The following GRM7 variants were observed in gnomAD, a reference collection of about 807,000 sequenced individuals.
GRM7 encodes metabotropic glutamate receptor 7.
GRM7 carries 35 observed loss-of-function variants against 84.5 expected under a neutral mutation model. The ratio of observed to expected loss-of-function variants is 0.41; its 90% CI spans 0.32 to 0.55. The LOEUF is 0.55. Ranked by LOEUF, GRM7 falls within the 20% of genes least tolerant of loss-of-function variation. GRM7 has a pLI of 0.19. For missense variants in GRM7, 1,003 were observed against 1,194.6 expected (o/e 0.84, Z 2.36); for synonymous variants, 487 against 455.1 (o/e 1.07, Z -0.89).
chr3:7,328,506 T>G (rs1701070915), intron 4 of GRM7, among the ~76,000 whole-genome samples: 1 of 152,188 alleles, frequency 6.6e-6, no homozygotes. Context: ...ACCCCTTCTC[T>G]ATACCTTACT....
chr3:7,239,392 T>C (rs145885870), intron 2 of GRM7, among the ~76,000 whole-genome samples: 1 of 152,286 alleles, frequency 6.6e-6, no homozygotes, highest in East Asian at 1.9e-4. Flanking sequence ...TATCAGTCAC[T>C]ATCCAGGAAG....
chr3:7,280,302 C>T (rs1182154598), intron 2 of GRM7, among the ~76,000 whole-genome samples: 2 of 152,214 alleles, frequency 1.3e-5, no homozygotes, highest in African/African-American at 4.8e-5. Flanking sequence ...TAAAATATTA[C>T]TTCTTGTCAT....
At chr3:6,951,597 A>C (rs1158718239) in intron 1 of GRM7, among the ~76,000 whole-genome samples, 2 of 152,158 alleles carry the variant, frequency 1.3e-5, no homozygotes, top group Non-Finnish European at 2.9e-5. Flanking sequence ...ATATTTCTAG[A>C]GATCTTTCTG....
chr3:6,962,515 A>G (rs1224913075), intron 1 of GRM7, among the ~76,000 whole-genome samples: 1 of 152,200 alleles, frequency 6.6e-6, no homozygotes, highest in East Asian at 1.9e-4. Context: ...AGGAACATGA[A>G]TATAATGAGA....
chr3:6,970,213 G>GACTTTCCCAA (rs1553602473), intron 1 of GRM7, among the ~76,000 whole-genome samples: 3 of 151,856 alleles, frequency 2.0e-5, no homozygotes, highest in East Asian at 1.9e-4. Context: ...ACTGCTCCAA[G>GACTTTCCCAA]ACTTTCCCTT....
chr3:7,062,014 G>C (rs1191575386), intron 1 of GRM7, among the ~76,000 whole-genome samples: 1 of 151,698 alleles, frequency 6.6e-6, no homozygotes, highest in Admixed American at 6.6e-5. Context: ...TGTTTCACCA[G>C]GAGAAAATCA....
intron 1 of GRM7, among the ~76,000 whole-genome samples, chr3:7,056,539 TTAAA>T (rs777063952): frequency 2.6e-5 from 4 of 152,004 alleles, no homozygotes; most frequent in Non-Finnish European, 4.4e-5. Context: ...ATCATCTTTG[TTAAA>T]TAAAGTTCCA....
At chr3:7,338,626 G>A (rs1421834342) in intron 4 of GRM7, among the ~76,000 whole-genome samples, 2 of 152,078 alleles carry the variant, frequency 1.3e-5, no homozygotes, top group South Asian at 2.1e-4. Context: ...TGACCACATG[G>A]GGGACATTCG....
chr3:7,250,984 G>A (rs2124938913), intron 2 of GRM7, among the ~76,000 whole-genome samples: 1 of 152,232 alleles, frequency 6.6e-6, no homozygotes, highest in African/African-American at 2.4e-5. Context: ...CTTAAGGAAA[G>A]GAAGGATGGA....
At chr3:7,064,497 T>C (rs1166654022) in intron 1 of GRM7, among the ~76,000 whole-genome samples, 3 of 102,208 alleles carry the variant, frequency 2.9e-5, no homozygotes, top group Non-Finnish European at 5.7e-5. Flanking sequence ...TATACATATA[T>C]ATATACACAT....
chr3:6,877,274 CCA>C (rs76074375), intron 1 of GRM7, among the ~76,000 whole-genome samples: 6,113 of 152,200 alleles, frequency 0.04, 171 homozygotes, highest in Non-Finnish European at 0.057. Flanking sequence ...CTAGCTGATT[CCA>C]CAGTGTCAAA....
chr3:6,985,819 A>G (rs1475632400), intron 1 of GRM7, among the ~76,000 whole-genome samples: 2 of 152,236 alleles, frequency 1.3e-5, no homozygotes, highest in Non-Finnish European at 2.9e-5. Flanking sequence ...GGGGTAAACT[A>G]TAGAGACAAA....
At chr3:7,139,956 A>G (rs1693894939) in intron 1 of GRM7, among the ~76,000 whole-genome samples, 1 of 152,042 alleles carries the variant, frequency 6.6e-6, no homozygotes, top group Admixed American at 6.6e-5. Flanking sequence ...AAGAATTCAC[A>G]CAAATCAAAA....
Position 7,055,028 on chromosome 3 carries a change from T to C in GRM7, c.520-91424T>C, listed in dbSNP as rs550578887. ...GTTGCTTAAGATGAGTGTGTAAATC[T>C]GGTCTCTTGCTATTGGTTTTTGTAT... On this transcript the variant is annotated intron_variant, in intron 1 of 9. Coordinates refer to ENST00000357716, the MANE Select transcript of GRM7 (RefSeq NM_000844.4). Among the ~76,000 whole-genome samples the C allele has an allele frequency of 1.8e-4, 27 of 152,128 alleles. No individual in the cohort carries two copies. The South Asian group carries it at 2.5e-3, about 14-fold the overall frequency.
chr3:7,523,160 T>A (rs1700663532), intron 7 of GRM7, among the ~76,000 whole-genome samples: 1 of 152,194 alleles, frequency 6.6e-6, no homozygotes, highest in Admixed American at 6.6e-5. Context: ...ACGTTTCTTT[T>A]CCTTTTTCTC....
chr3:7,325,927 C>T (rs765099119), intron 4 of GRM7, among the ~76,000 whole-genome samples: 21 of 152,038 alleles, frequency 1.4e-4, no homozygotes, highest in Non-Finnish European at 2.9e-4. Context: ...GAGCGAGAAA[C>T]AGCACCAAAG....
intron 4 of GRM7, among the ~76,000 whole-genome samples, chr3:7,322,298 T>C (rs1361178082): frequency 6.6e-6 from 1 of 152,096 alleles, no homozygotes; most frequent in Non-Finnish European, 1.5e-5. Context: ...GTTAAACATT[T>C]GCCCAAAGTT....
intron 8 of GRM7, among the ~76,000 whole-genome samples, chr3:7,624,470 G>T (rs879527233): frequency 0.02 from 2,973 of 152,212 alleles, 31 homozygotes; most frequent in Non-Finnish European, 0.032. Flanking sequence ...AAATAATCAA[G>T]TACCTGATAA....
At chr3:7,721,730 T>C (rs1053011606) in intron 9 of GRM7, among the ~76,000 whole-genome samples, 17 of 152,228 alleles carry the variant, frequency 1.1e-4, no homozygotes, top group Non-Finnish European at 2.4e-4. Context: ...TCAAACTCAA[T>C]GATTCCCAGT....
Sources: allele counts gnomAD v4.1 joint callset (sites outside exome capture counted in the v4.1 genomes callset), GRCh38; gene constraint gnomAD v4.1.1; transcripts MANE v1.5; gene names NCBI Gene and HGNC (gene_info 2026-07-23, HGNC 2026-07-21).